The following CFAP20DC variants were observed in gnomAD, a reference collection of about 807,000 sequenced individuals.
CFAP20DC encodes protein CFAP20DC.
A neutral mutation model predicts 101.7 loss-of-function variants in CFAP20DC; 84 were observed. The ratio of observed to expected loss-of-function variants is 0.83; its 90% CI spans 0.69 to 0.99. The LOEUF is 0.99. Ranked by LOEUF, CFAP20DC falls within the 50% of genes least tolerant of loss-of-function variation. The pLI, the probability that CFAP20DC is intolerant of heterozygous loss-of-function variation, is 0.00. For missense variants in CFAP20DC, 1,007 were observed against 970.3 expected, an observed-to-expected ratio of 1.04 and a Z score of -0.50; for synonymous variants, 359 against 351.2, an observed-to-expected ratio of 1.02 and a Z score of -0.25.
intron 15 of CFAP20DC, among the ~76,000 whole-genome samples, chr3:58,800,173 T>C (rs145807769): frequency 2.0e-4 from 30 of 152,292 alleles, no homozygotes; most frequent in Non-Finnish European, 1.6e-4. Context: ...AATGCCTGCA[T>C]CTGATTGAGG....
At position 58,913,655 on chromosome 3, in the gene CFAP20DC, AT is replaced by A. The variant is rs2084375722; in HGVS notation, c.550+52del. 1.3e-6 allele frequency: 2 copies of A among 1,579,462 alleles called. No homozygotes were observed. The highest frequency in any genetic ancestry group is 1.7e-6 in the Non-Finnish European group (2 of 1,149,340). ...TCATACTATCCCAAAGGTATGGCTA[AT>A]TTTAAAAATACATCAGAGAATTAAA... is the stretch of plus-strand genomic sequence containing the variant. On this transcript the variant is annotated intron_variant, in intron 6 of 16. Coordinates refer to ENST00000482387, the MANE Select transcript of CFAP20DC (RefSeq NM_001394063.1). The surrounding 1 kb of genome is among the most constrained non-coding windows in gnomAD (Gnocchi z 4.4).
chr3:58,935,589 G>A (rs2087446772), intron 5 of CFAP20DC, among the ~76,000 whole-genome samples: 1 of 152,074 alleles, frequency 6.6e-6, no homozygotes, highest in African/African-American at 2.4e-5. Context: ...TAGATCAATG[G>A]AATAGAACAG....
At chr3:58,948,386 G>T (rs1028431388) in intron 4 of CFAP20DC, among the ~76,000 whole-genome samples, 4 of 152,036 alleles carry the variant, frequency 2.6e-5, no homozygotes, top group African/African-American at 9.7e-5. Context: ...ATTTTTTATT[G>T]ACTTGCTACA....
At chr3:58,797,343 G>C (rs2073334982) in intron 15 of CFAP20DC, among the ~76,000 whole-genome samples, 1 of 152,180 alleles carries the variant, frequency 6.6e-6, no homozygotes, top group Admixed American at 6.5e-5. Flanking sequence ...GTGATATGGA[G>C]AAAGTTTGAG....
intron 3 of CFAP20DC, among the ~76,000 whole-genome samples, chr3:58,718,650 C>G (rs897531693): frequency 6.6e-6 from 1 of 152,356 alleles, no homozygotes; most frequent in Non-Finnish European, 1.5e-5. Context: ...GAAGCCTCAC[C>G]TCAGCCTCTC....
At chr3:58,957,266 C>T (rs2090718871) in intron 4 of CFAP20DC, among the ~76,000 whole-genome samples, 1 of 152,148 alleles carries the variant, frequency 6.6e-6, no homozygotes, top group Non-Finnish European at 1.5e-5. Flanking sequence ...CTCAATATCA[C>T]TGATCATCAG....
At chr3:59,034,745 G>T (rs1273336947) in intron 4 of CFAP20DC, among the ~76,000 whole-genome samples, 1 of 152,034 alleles carries the variant, frequency 6.6e-6, no homozygotes, top group African/African-American at 2.4e-5. Flanking sequence ...AATAATAGTG[G>T]GAGACTTTAA....
At chr3:58,903,729 A>T (rs2107184537) in intron 6 of CFAP20DC, among the ~76,000 whole-genome samples, 1 of 152,120 alleles carries the variant, frequency 6.6e-6, no homozygotes, top group East Asian at 1.9e-4. Flanking sequence ...TGATTCAATT[A>T]CCTCTCACCG....
In CFAP20DC at chr3:59,014,068, A is replaced by G. The variant is rs2093642456; in HGVS notation, c.278+25489T>C. ...TGAAATTGCATAAAACAGATAGGAC[A>G]GCTAATTTAAACAGTTGTTTGCACA... is the stretch of plus-strand genomic sequence containing the variant. On this transcript the variant is annotated intron_variant, in intron 4 of 16. Transcript: ENST00000482387. This position sits in a 1 kb window ranked among gnomAD's most constrained non-coding sequence, Gnocchi z 4.9. Among the ~76,000 whole-genome samples, 1 of 152,208 alleles carries G rather than the reference A, an allele frequency of 6.6e-6. No individual in the cohort carries two copies. Among genetic ancestry groups the G allele is most frequent in the Non-Finnish European group, 1.5e-5 (1 of 68,032 alleles).
At position 59,049,990 on chromosome 3, in the gene CFAP20DC, G is replaced by A. The variant is rs1700188296; in HGVS notation, c.-359C>T. On this transcript the variant is annotated 5_prime_UTR_variant, in exon 1 of 17. Transcript: ENST00000482387. ...ACAACCGCCCGCTGGCCTAGGAAAA[G>A]CGGGCGCGCTCCCGCTGCCGCCCCA... 1 of 256,440 alleles carries A rather than the reference G, an allele frequency of 3.9e-6. No individual in the cohort carries two copies. The highest frequency in any genetic ancestry group is 9.9e-5 in the South Asian group (1 of 10,122). The allele number at this position is 256,440 out of a possible 1,614,324, so 15.9% of individuals were successfully genotyped here.
At chr3:58,825,903 C>T (rs2076006071) in intron 14 of CFAP20DC, among the ~76,000 whole-genome samples, 1 of 152,198 alleles carries the variant, frequency 6.6e-6, no homozygotes, top group South Asian at 2.1e-4. Flanking sequence ...CATTTAATTA[C>T]ACTTTTAAAT....
chr3:58,903,560 G>T (rs2083339607), intron 6 of CFAP20DC, among the ~76,000 whole-genome samples: 1 of 152,180 alleles, frequency 6.6e-6, no homozygotes, highest in East Asian at 1.9e-4. Context: ...AAGGCCTCAG[G>T]AAACTTACAA....
chr3:58,934,159 C>A (rs1355745280), intron 5 of CFAP20DC, among the ~76,000 whole-genome samples: 1 of 152,174 alleles, frequency 6.6e-6, no homozygotes, highest in Non-Finnish European at 1.5e-5. Flanking sequence ...TGCAAATAAA[C>A]TAGAAAATTT....
chr3:58,782,088 G>A (rs879785154), intron 15 of CFAP20DC, among the ~76,000 whole-genome samples: 3 of 151,866 alleles, frequency 2.0e-5, no homozygotes, highest in Non-Finnish European at 4.4e-5. Flanking sequence ...AAGATCAAGC[G>A]GGATTTATCC....
At chr3:59,029,535 G>A (rs536773960) in intron 4 of CFAP20DC, among the ~76,000 whole-genome samples, 11 of 152,228 alleles carry the variant, frequency 7.2e-5, no homozygotes, top group East Asian at 5.8e-4. Context: ...CACCTGGTGC[G>A]TGAGGAAGCA....
chr3:58,739,882 A>G (rs752775118), downstream of CFAP20DC, among the ~76,000 whole-genome samples: 1 of 152,196 alleles, frequency 6.6e-6, no homozygotes, highest in Non-Finnish European at 1.5e-5. Context: ...AGAAATCTCA[A>G]CAGAAATGAA....
chr3:58,831,560 C>T (rs915263092), intron 14 of CFAP20DC, 126 bp downstream of exon 14: 1 of 693,080 alleles, frequency 1.4e-6, no homozygotes, highest in African/African-American at 1.8e-5. Flanking sequence ...AGAATGGACT[C>T]TGATTATTTC....
At chr3:59,023,536 C>G (rs974302033) in intron 4 of CFAP20DC, among the ~76,000 whole-genome samples, 2 of 151,918 alleles carry the variant, frequency 1.3e-5, no homozygotes, top group Non-Finnish European at 2.9e-5. Context: ...TGCTCAGCAA[C>G]CAAGGTGGCT....
chr3:59,034,583 CA>C (rs1560027402), intron 4 of CFAP20DC, among the ~76,000 whole-genome samples: 1 of 151,912 alleles, frequency 6.6e-6, no homozygotes, highest in African/African-American at 2.4e-5. Flanking sequence ...TATCAAAGAT[CA>C]AAAAAGACAA....
Sources: allele counts gnomAD v4.1 joint callset (sites outside exome capture counted in the v4.1 genomes callset), GRCh38; gene constraint gnomAD v4.1.1; non-coding constraint Gnocchi (gnomAD v3.1); transcripts MANE v1.5; gene names NCBI Gene and HGNC (gene_info 2026-07-23, HGNC 2026-07-21).